The following ADRA1B variants were observed in gnomAD, a reference collection of about 807,000 sequenced individuals.
The protein encoded by ADRA1B is alpha-1B adrenergic receptor.
A neutral mutation model predicts 17.9 loss-of-function variants in ADRA1B; 17 were observed. The observed-to-expected ratio is 0.95, with a 90% CI of 0.65 to 1.42. The LOEUF is 1.42. ADRA1B is among the 40% of genes most tolerant of loss of function. The probability of loss-of-function intolerance (pLI) is 0.00; values close to 1 mark genes in which losing one functional copy is unlikely to be tolerated. For missense variants in ADRA1B, 681 were observed against 722.1 expected (o/e 0.94, Z 0.65); for synonymous variants, 366 against 327.6 (o/e 1.12, Z -1.27).
At chr5:159,919,793 G>T (rs1417340819) in intron 1 of ADRA1B, among the ~76,000 whole-genome samples, 1 of 152,236 alleles carries the variant, frequency 6.6e-6, no homozygotes, top group East Asian at 1.9e-4. Context: ...TGGATCAAAG[G>T]TGCAGGCTTT....
At chr5:159,906,330 AC>A (rs1754160673) in intron 1 of ADRA1B, among the ~76,000 whole-genome samples, 1 of 152,248 alleles carries the variant, frequency 6.6e-6, no homozygotes, top group African/African-American at 2.4e-5. Context: ...TCTCTATGAG[AC>A]ATTCAACCAA....
chr5:159,926,739 T>C (rs563787465), intron 1 of ADRA1B, among the ~76,000 whole-genome samples: 3 of 151,904 alleles, frequency 2.0e-5, no homozygotes, highest in Admixed American at 2.0e-4. Context: ...ACACAAAAAT[T>C]AGCCGGGCGT....
intron 1 of ADRA1B, among the ~76,000 whole-genome samples, chr5:159,927,597 T>C (rs144137481): frequency 4.5e-4 from 68 of 152,336 alleles, no homozygotes; most frequent in Admixed American, 4.1e-3. Context: ...TGTTTTCTAA[T>C]AGGGTGACCA....
At chr5:159,941,286 T>C (rs1755119101) in intron 1 of ADRA1B, among the ~76,000 whole-genome samples, 2 of 152,360 alleles carry the variant, frequency 1.3e-5, no homozygotes, top group South Asian at 2.1e-4. Flanking sequence ...AACGTTTTCA[T>C]CATCACAGAA....
chr5:159,977,570 A>G (rs796425420), downstream of ADRA1B, among the ~76,000 whole-genome samples: 11 of 152,324 alleles, frequency 7.2e-5, no homozygotes, highest in African/African-American at 2.6e-4. Flanking sequence ...CGGTTTTCCC[A>G]GCATATACCT....
chr5:159,971,661 G>A (rs1050752616), intron 1 of ADRA1B, among the ~76,000 whole-genome samples: 12 of 152,196 alleles, frequency 7.9e-5, no homozygotes, highest in African/African-American at 2.9e-4. Flanking sequence ...CATGGACAAA[G>A]GCGAAGTTAT....
chr5:159,951,396 C>G, intron 1 of ADRA1B: 1 of 852,654 alleles, frequency 1.2e-6, no homozygotes, highest in South Asian at 1.3e-5. Context: ...AATGAAGGGT[C>G]ATTAATGGCA....
At chr5:159,871,297 G>C (rs1246908605) in intron 1 of ADRA1B, 1 of 152,200 alleles carries the variant, frequency 6.6e-6, no homozygotes, top group Admixed American at 6.5e-5. Flanking sequence ...AAACAGCTCA[G>C]TGGCCCATTA....
chr5:159,956,519 C>T (rs1272356659), intron 1 of ADRA1B, among the ~76,000 whole-genome samples: 1 of 152,064 alleles, frequency 6.6e-6, no homozygotes, highest in African/African-American at 2.4e-5. Context: ...TGACAGCTTA[C>T]CATTTTAATA....
the ADRA1B span, among the ~76,000 whole-genome samples, chr5:159,978,330 A>G: frequency 2.6e-5 from 4 of 152,220 alleles, no homozygotes; most frequent in Non-Finnish European, 5.9e-5. Context: ...TGGGAAGCAC[A>G]TGGCAGGGGG....
At chr5:159,904,624 A>G (rs989079954) in intron 1 of ADRA1B, among the ~76,000 whole-genome samples, 8 of 152,184 alleles carry the variant, frequency 5.3e-5, no homozygotes, top group African/African-American at 1.9e-4. Context: ...GAGTGAGCCT[A>G]CTATGTGTCA....
the ADRA1B span, among the ~76,000 whole-genome samples, chr5:159,981,502 T>C: frequency 2.0e-5 from 3 of 152,162 alleles, no homozygotes; most frequent in Non-Finnish European, 2.9e-5. Context: ...TTTTTGTTTG[T>C]TTGCTTGTTT....
chr5:159,963,700 C>G (rs945422570), intron 1 of ADRA1B, among the ~76,000 whole-genome samples: 3 of 152,190 alleles, frequency 2.0e-5, no homozygotes, highest in Admixed American at 2.0e-4. Flanking sequence ...TACAGACATG[C>G]CCTGAGGTTT....
At chr5:159,877,600 A>G (rs1753817312) in intron 1 of ADRA1B, among the ~76,000 whole-genome samples, 1 of 152,302 alleles carries the variant, frequency 6.6e-6, no homozygotes, top group African/African-American at 2.4e-5. Context: ...AAATCATTAA[A>G]TCACAGTCAT....
downstream of ADRA1B, among the ~76,000 whole-genome samples, chr5:159,973,664 G>GA (rs1298623291): frequency 1.3e-5 from 2 of 152,120 alleles, no homozygotes; most frequent in African/African-American, 4.8e-5. Flanking sequence ...ACCCTGCCTG[G>GA]AAAAAAGCAC....
rs545816603 is a variant in ADRA1B at position 159,971,236 on chromosome 5, C to G, written c.950-643C>G. On this transcript the variant is annotated intron_variant, in intron 1 of 1. Coordinates refer to ENST00000306675, the MANE Select transcript of ADRA1B (RefSeq NM_000679.4). ...TTTCTACTGGGAACACTTTTTCTTG[C>G]TGATTTGTAAGAGTTCCTCACATAT... 1.6e-3 allele frequency among the ~76,000 whole-genome samples: 247 copies of G among 152,256 alleles called. 1 individual carries two copies. The highest frequency in any genetic ancestry group is 5.1e-3 in the African/African-American group (213 of 41,536).
intron 1 of ADRA1B, among the ~76,000 whole-genome samples, chr5:159,940,107 C>T (rs6888306): frequency 0.26 from 39,724 of 152,068 alleles, 5,280 homozygotes; most frequent in East Asian, 0.4. Flanking sequence ...GGAAAAAGAT[C>T]GATTCCAATG....
chr5:159,912,968 C>T (rs1318194565), upstream of ADRA1B, among the ~76,000 whole-genome samples: 2 of 152,188 alleles, frequency 1.3e-5, no homozygotes, highest in African/African-American at 4.8e-5. Context: ...GTACATGCAT[C>T]TCTATATGCC....
intron 1 of ADRA1B, among the ~76,000 whole-genome samples, chr5:159,958,828 C>A (rs1452183535): frequency 1.3e-5 from 2 of 152,184 alleles, no homozygotes; most frequent in Non-Finnish European, 2.9e-5. Flanking sequence ...GTAAGTCCCA[C>A]CAATGCTCAG....
Sources: allele counts gnomAD v4.1 joint callset (sites outside exome capture counted in the v4.1 genomes callset), GRCh38; gene constraint gnomAD v4.1.1; transcripts MANE v1.5; gene names NCBI Gene and HGNC (gene_info 2026-07-23, HGNC 2026-07-21).